Variants in MAP2 observed in about 807,000 individuals in gnomAD.
MAP2 encodes microtubule-associated protein 2.
Under a neutral mutation model 137.6 loss-of-function variants are expected in MAP2, and 14 were observed. That is an observed-to-expected ratio of 0.10 (90% confidence interval 0.07 to 0.16). The LOEUF (loss-of-function observed/expected upper bound fraction) is 0.16, where lower values mean the gene tolerates loss of function less well. Ranked by LOEUF, MAP2 falls within the 10% of genes least tolerant of loss-of-function variation. The pLI, the probability that MAP2 is intolerant of heterozygous loss-of-function variation, is 1.00. For synonymous variants in MAP2, 786 were observed against 782.3 expected (o/e 1.00, Z -0.08); for missense variants, 2,088 against 2,191.5 (o/e 0.95, Z 0.94).
intron 13 of MAP2, among the ~76,000 whole-genome samples, chr2:209,715,207 A>G (rs1488693543): frequency 2.6e-5 from 4 of 152,038 alleles, no homozygotes; most frequent in East Asian, 1.9e-4. Context: ...TTAAGGTTTT[A>G]AAATAGAAGC....
chr2:209,503,464 A>G (rs932530966), intron 1 of MAP2, among the ~76,000 whole-genome samples: 4 of 151,980 alleles, frequency 2.6e-5, no homozygotes, highest in African/African-American at 9.7e-5. Flanking sequence ...TTGGTGTCAT[A>G]TTCAAAAAAT....
chr2:209,570,178 C>T (rs530158807), intron 2 of MAP2, among the ~76,000 whole-genome samples: 122 of 151,852 alleles, frequency 8.0e-4, no homozygotes, highest in African/African-American at 2.9e-3. Flanking sequence ...GTCTAAACTC[C>T]CTCTCCTGGA....
chr2:209,610,072 A>G (rs1468747281), intron 3 of MAP2, among the ~76,000 whole-genome samples: 1 of 152,166 alleles, frequency 6.6e-6, no homozygotes, highest in Admixed American at 6.5e-5. Context: ...CAAAATTAGA[A>G]CCATGGCAAG....
At chr2:209,654,605 T>G (rs1488985586) in intron 5 of MAP2, among the ~76,000 whole-genome samples, 13 of 152,196 alleles carry the variant, frequency 8.5e-5, no homozygotes, top group Non-Finnish European at 2.9e-5. Flanking sequence ...GACATAGCAC[T>G]CTTGATCAAG....
intron 1 of MAP2, among the ~76,000 whole-genome samples, chr2:209,432,046 T>C (rs1694426017): frequency 6.6e-6 from 1 of 152,164 alleles, no homozygotes; most frequent in Admixed American, 6.5e-5. Flanking sequence ...GCTTGAACTA[T>C]CCATACTGAT....
In MAP2 at chr2:209,505,759, T is replaced by TA. The variant is rs368532691; in HGVS notation, c.-221-1833_-221-1832insA. 2.0e-5 allele frequency among the ~76,000 whole-genome samples: 3 copies of TA among 148,720 alleles called. 1 individual carries two copies. Among genetic ancestry groups the TA allele is most frequent in the African/African-American group, 7.8e-5 (3 of 38,408 alleles). ...GGCCAAGGTGGGTGGATTGCTTGAGTTCAGGAGTTTGAGACCAGCCTGGGG... is the reference window on the plus strand; with the variant it reads ...GGCCAAGGTGGGTGGATTGCTTGAGTATCAGGAGTTTGAGACCAGCCTGGGG... On this transcript the variant is annotated intron_variant, in intron 1 of 15. Transcript: ENST00000682079.
At chr2:209,517,673 A>C (rs894912252) in intron 2 of MAP2, among the ~76,000 whole-genome samples, 1 of 152,000 alleles carries the variant, frequency 6.6e-6, no homozygotes, top group African/African-American at 2.4e-5. Flanking sequence ...TCCCACATAG[A>C]TATTCAAACA....
intron 4 of MAP2, among the ~76,000 whole-genome samples, chr2:209,635,228 C>A (rs1383310147): frequency 6.6e-6 from 1 of 152,036 alleles, no homozygotes. Flanking sequence ...TCAGTAACTT[C>A]TTATTAAAGG....
At position 209,448,023 on chromosome 2, in the gene MAP2, G is replaced by A. The variant is rs190519592; in HGVS notation, c.-222+23747G>A. Among the ~76,000 whole-genome samples, 600 of 152,222 alleles carry A rather than the reference G, an allele frequency of 3.9e-3. 3 individuals carry two copies. The highest frequency in any genetic ancestry group is 0.014 in the African/African-American group (562 of 41,536). On this transcript the variant is annotated intron_variant, in intron 1 of 15. Transcript: ENST00000682079. The stretch of plus-strand genomic sequence containing the variant: ...TCATATTTACTATGTTTAGCAAGCT[G>A]TCTGGTGATTCAGATGCACACAAAA...
At chr2:209,697,335 G>A (rs569043730) in intron 10 of MAP2, among the ~76,000 whole-genome samples, 17 of 152,144 alleles carry the variant, frequency 1.1e-4, no homozygotes, top group African/African-American at 4.1e-4. Flanking sequence ...TTTTCATTCT[G>A]TGTGTTTGGT....
chr2:209,478,373 G>A (rs936141604), intron 1 of MAP2, among the ~76,000 whole-genome samples: 3 of 152,174 alleles, frequency 2.0e-5, no homozygotes, highest in African/African-American at 7.2e-5. Context: ...TAAAAACTAT[G>A]TGAGTTAACG....
At chr2:209,497,656 G>T (rs954505958) in intron 1 of MAP2, among the ~76,000 whole-genome samples, 4 of 152,174 alleles carry the variant, frequency 2.6e-5, no homozygotes, top group African/African-American at 4.8e-5. Context: ...CTGGCAGAAA[G>T]CAAAGCAGGA....
intron 1 of MAP2, among the ~76,000 whole-genome samples, chr2:209,479,642 A>C (rs1035115523): frequency 1.3e-5 from 2 of 152,166 alleles, no homozygotes; most frequent in Admixed American, 1.3e-4. Flanking sequence ...TTATAGAAAA[A>C]TTCAGAGATT....
At chr2:209,491,465 A>G (rs2059104187) in intron 1 of MAP2, among the ~76,000 whole-genome samples, 1 of 152,148 alleles carries the variant, frequency 6.6e-6, no homozygotes, top group South Asian at 2.1e-4. Context: ...AATGAAGGAG[A>G]GAGAGACATG....
In MAP2 at chr2:209,609,378, TTTAAA is replaced by T. The variant is rs1483850926; in HGVS notation, c.-106-15668_-106-15664del. ...TAATTCACATATAAAAATTCACCCC[TTTAAA>T]TTAAATAGTTCAGTGATTTTTAGTG... On this transcript the variant is annotated intron_variant, in intron 3 of 15. Transcript: ENST00000682079. Among the ~76,000 whole-genome samples the T allele has an allele frequency of 3.3e-5, 5 of 152,156 alleles. No individual in the cohort carries two copies. In the South Asian group the frequency reaches 6.2e-4, roughly 19 times the overall value.
chr2:209,528,749 TAC>T (rs1189891894), intron 2 of MAP2, among the ~76,000 whole-genome samples: 5 of 146,272 alleles, frequency 3.4e-5, no homozygotes, highest in African/African-American at 1.1e-4. Context: ...TGTATATATG[TAC>T]ATATGTATGT....
chr2:209,526,908 G>C (rs1373894355), intron 2 of MAP2, among the ~76,000 whole-genome samples: 2 of 151,934 alleles, frequency 1.3e-5, no homozygotes. Flanking sequence ...AATATAGTGG[G>C]GAATCTGTAA....
intron 5 of MAP2, among the ~76,000 whole-genome samples, chr2:209,673,551 A>C (rs977671587): frequency 6.6e-6 from 1 of 151,840 alleles, no homozygotes; most frequent in African/African-American, 2.4e-5. Context: ...TCTAACATAA[A>C]CTAAAAAATG....
intron 3 of MAP2, among the ~76,000 whole-genome samples, chr2:209,586,838 T>A (rs1281493887): frequency 6.6e-6 from 1 of 151,988 alleles, no homozygotes; most frequent in Non-Finnish European, 1.5e-5. Context: ...GCAAGAAAAA[T>A]GAGAAATGAT....
Sources: allele counts gnomAD v4.1 joint callset (sites outside exome capture counted in the v4.1 genomes callset), GRCh38; gene constraint gnomAD v4.1.1; transcripts MANE v1.5; gene names NCBI Gene and HGNC (gene_info 2026-07-23, HGNC 2026-07-21).